Variants in EPB41L1 observed in about 807,000 individuals in gnomAD.
EPB41L1 encodes the protein erythrocyte membrane protein band 4.1 like 1, also known as band 4.1-like protein 1.
EPB41L1 carries 29 observed loss-of-function variants against 97.8 expected under a neutral mutation model. That is an observed-to-expected ratio of 0.30 (90% CI 0.22 to 0.40). The LOEUF is 0.40. Ranked by LOEUF, EPB41L1 falls within the 10% of genes least tolerant of loss-of-function variation. The pLI, the probability that EPB41L1 is intolerant of heterozygous loss-of-function variation, is 1.00. For missense variants in EPB41L1, 812 were observed against 1,162.3 expected (o/e 0.70, Z 4.38); for synonymous variants, 383 against 459.2 (o/e 0.83, Z 2.12).
At chr20:36,199,386 A>G (rs1283289034) in intron 14 of EPB41L1, among the ~76,000 whole-genome samples, 1 of 152,164 alleles carries the variant, frequency 6.6e-6, no homozygotes, top group Non-Finnish European at 1.5e-5. Flanking sequence ...CCAGGTAGAG[A>G]GTCAATTGTA....
intron 1 of EPB41L1, among the ~76,000 whole-genome samples, chr20:36,156,293 T>C (rs1475199650): frequency 6.6e-6 from 1 of 152,158 alleles, no homozygotes; most frequent in African/African-American, 2.4e-5. Context: ...CTGGAGGAGA[T>C]CAGTGCAGAG....
chr20:36,222,485 C>T, intron 21 of EPB41L1, 91 bp downstream of exon 21: 2 of 1,062,442 alleles, frequency 1.9e-6, no homozygotes, highest in Admixed American at 3.5e-5. Context: ...AAGCCAGTGG[C>T]TTGACCCCTA....
chr20:36,211,545 G>A (rs1304603418), intron 15 of EPB41L1, among the ~76,000 whole-genome samples: 1 of 151,776 alleles, frequency 6.6e-6, no homozygotes, highest in Non-Finnish European at 1.5e-5. Context: ...CCAAGCATGT[G>A]TGGCTCTTGC....
chr20:36,199,262 T>C (rs2062367349), intron 14 of EPB41L1, among the ~76,000 whole-genome samples: 1 of 152,032 alleles, frequency 6.6e-6, no homozygotes, highest in African/African-American at 2.4e-5. Context: ...GAAGGACTTA[T>C]TCAGTGTCTT....
chr20:36,128,550 T>C (rs2059063225), intron 2 of EPB41L1, among the ~76,000 whole-genome samples: 1 of 152,370 alleles, frequency 6.6e-6, no homozygotes, highest in South Asian at 2.1e-4. Context: ...CTGAGCTCAC[T>C]GGCAGGAAAG....
chr20:36,200,559 C>A lies in EPB41L1; in HGVS notation c.1668+2518C>A, dbSNP rs6058433. On this transcript the variant is annotated intron_variant, in intron 14 of 21. Coordinates refer to ENST00000338074, the MANE Select transcript of EPB41L1 (RefSeq NM_012156.2). ...AGCCAGAGACATCTGGAGCCAGAGTCTAAATGATATGGCTCCAACATCTCT... is the reference window on the plus strand; with the variant it reads ...AGCCAGAGACATCTGGAGCCAGAGTATAAATGATATGGCTCCAACATCTCT... 2.9e-3 allele frequency among the ~76,000 whole-genome samples: 445 copies of A among 152,318 alleles called. 6 individuals carry two copies. The highest frequency in any genetic ancestry group is 0.01 in the African/African-American group (426 of 41,568).
At position 36,223,249 on chromosome 20, in the gene EPB41L1, G is replaced by A. The variant is rs182547184; in HGVS notation, c.2637+855G>A. On this transcript the variant is annotated intron_variant, in intron 21 of 21. Transcript: ENST00000338074. ...GGGTTTTACCTTGTTGGCCAGGCTG[G>A]TATCAAACTCCTGTCCTCAAGTGAT... Among the ~76,000 whole-genome samples the A allele has an allele frequency of 6.0e-3, 918 of 152,102 alleles. 10 individuals carry two copies. The highest frequency in any genetic ancestry group is 0.012 in the South Asian group (56 of 4,814).
In EPB41L1 at chr20:36,190,265, T is replaced by G. The variant is rs1207411754; in HGVS notation, c.1027-12T>G. The G allele has an allele frequency of 6.2e-7, 1 of 1,613,132 alleles. No homozygotes were observed. Among genetic ancestry groups the G allele is most frequent in the East Asian group, 2.2e-5 (1 of 44,898 alleles). On this transcript the variant is annotated splice_polypyrimidine_tract_variant and intron_variant, in intron 9 of 21. Transcript: ENST00000338074. This position sits in a 1 kb window ranked among gnomAD's most constrained non-coding sequence, Gnocchi z 5.8. ...CAGGCCCTGCCTCTAACCTGCCCTT[T>G]TGGTTTTCCAGTATGAGCAATTTGA...
intron 1 of EPB41L1, among the ~76,000 whole-genome samples, chr20:36,105,735 A>G (rs1197820642): frequency 6.6e-6 from 1 of 152,122 alleles, no homozygotes; most frequent in Non-Finnish European, 1.5e-5. Context: ...CTAGCCCCAG[A>G]TGGTTCTTGT....
intron 2 of EPB41L1, among the ~76,000 whole-genome samples, chr20:36,125,129 G>A (rs1222979032): frequency 1.3e-5 from 2 of 152,172 alleles, no homozygotes; most frequent in East Asian, 3.8e-4. Flanking sequence ...TGTGCTGTAT[G>A]GTGGTGGGGT....
At chr20:36,226,633 T>C (rs999277387) in intron 21 of EPB41L1, among the ~76,000 whole-genome samples, 1 of 152,224 alleles carries the variant, frequency 6.6e-6, no homozygotes, top group African/African-American at 2.4e-5. Flanking sequence ...GCATGGTAGT[T>C]AGCACACTGC....
At chr20:36,127,081 T>TCAG (rs1342545830) in intron 2 of EPB41L1, among the ~76,000 whole-genome samples, 1 of 152,192 alleles carries the variant, frequency 6.6e-6, no homozygotes, top group Non-Finnish European at 1.5e-5. Flanking sequence ...TGGAGAGGAC[T>TCAG]CAGCTATTAT....
In EPB41L1 at chr20:36,182,276, C is replaced by T. The variant is rs1443357512; in HGVS notation, c.495C>T (p.Ser165=). The T allele has an allele frequency of 3.7e-6, 6 of 1,613,986 alleles. No homozygotes were observed. Among genetic ancestry groups the T allele is most frequent in the Non-Finnish European group, 5.1e-6 (6 of 1,179,878 alleles). The change falls in exon 6 of 22, where the codon AGC becomes AGT. Residue 165 remains serine, a synonymous_variant. Transcript: ENST00000338074. ...SKEIKKQIRS[S]PWNFAFTVKF... The stretch of plus-strand genomic sequence containing the variant: ...CTCTCTCCCATCTCCTCTCAGGTAG[C>T]CCCTGGAATTTTGCCTTCACAGTCA...
intron 2 of EPB41L1, among the ~76,000 whole-genome samples, chr20:36,114,053 C>T (rs537313645): frequency 1.1e-4 from 16 of 152,234 alleles, no homozygotes; most frequent in African/African-American, 2.2e-4. Flanking sequence ...GCTAGTTGGC[C>T]GTGTGTCTAG....
At chr20:36,136,960 C>A (rs1260963132) in intron 2 of EPB41L1, among the ~76,000 whole-genome samples, 1 of 152,146 alleles carries the variant, frequency 6.6e-6, no homozygotes, top group African/African-American at 2.4e-5. Flanking sequence ...ATCACTGCAG[C>A]CCCAACCTCC....
At chr20:36,200,466 T>C (rs2062437886) in intron 14 of EPB41L1, among the ~76,000 whole-genome samples, 3 of 152,204 alleles carry the variant, frequency 2.0e-5, no homozygotes. Context: ...CTGTTCCCAT[T>C]TGCCAAACCC....
intron 11 of EPB41L1, 114 bp from the exon 12 acceptor site, chr20:36,194,098 G>A: frequency 2.9e-6 from 4 of 1,378,488 alleles, no homozygotes; most frequent in Admixed American, 1.9e-5. Context: ...ATGGGTGAGG[G>A]GTGTGGAAGA....
Position 36,212,441 on chromosome 20 carries a change from T to G in EPB41L1, c.2184+65T>G, listed in dbSNP as rs73905304. The G allele has an allele frequency of 4.8e-3, 6,703 of 1,403,640 alleles. 256 individuals are homozygous for G. The African/African-American group carries it at 0.083, about 17-fold the overall frequency. 86.9% of individuals were successfully genotyped at this position (1,403,640 alleles called of 1,614,324 possible). A position where few individuals can be genotyped will look rare whatever the true frequency, so the allele number is the denominator to read the frequency against. ...GGGCATTTGGTGGTAGGGTCCCCAC[T>G]GCTGTGGCCAAACCCCTTGGCCAGC... is the stretch of plus-strand genomic sequence containing the variant. On this transcript the variant is annotated intron_variant, in intron 16 of 21. Transcript: ENST00000338074. The surrounding 1 kb of genome is among the most constrained non-coding windows in gnomAD (Gnocchi z 4.8).
At chr20:36,099,744 C>T (rs919272444) in intron 1 of EPB41L1, among the ~76,000 whole-genome samples, 1 of 152,164 alleles carries the variant, frequency 6.6e-6, no homozygotes, top group Non-Finnish European at 1.5e-5. Context: ...CAAAGTCACA[C>T]AGCTGGTCAG....
Sources: allele counts gnomAD v4.1 joint callset (sites outside exome capture counted in the v4.1 genomes callset), GRCh38; gene constraint gnomAD v4.1.1; non-coding constraint Gnocchi (gnomAD v3.1); transcripts MANE v1.5; gene names NCBI Gene and HGNC (gene_info 2026-07-23, HGNC 2026-07-21).